MARK1: variants seen among roughly 807,000 people sequenced by gnomAD.
MARK1 encodes serine/threonine-protein kinase MARK1.
A neutral mutation model predicts 96.3 loss-of-function variants in MARK1; 40 were observed. The ratio of observed to expected loss-of-function variants is 0.42; its 90% CI spans 0.32 to 0.54. The LOEUF (loss-of-function observed/expected upper bound fraction) is 0.54. MARK1 is among the 20% of genes least tolerant of loss of function. The pLI is 0.16. For missense variants in MARK1, 719 were observed against 984.6 expected (o/e 0.73, Z 3.61); for synonymous variants, 317 against 341.2 (o/e 0.93, Z 0.78).
chr1:220,547,858 G>A (rs1240441695), intron 1 of MARK1, among the ~76,000 whole-genome samples: 1 of 152,126 alleles, frequency 6.6e-6, no homozygotes, highest in African/African-American at 2.4e-5. Context: ...GAGCCACCGC[G>A]CACAACCTCT....
intron 13 of MARK1, among the ~76,000 whole-genome samples, chr1:220,648,145 G>T (rs1452442300): frequency 6.6e-6 from 1 of 151,766 alleles, no homozygotes; most frequent in Non-Finnish European, 1.5e-5. Flanking sequence ...GATTAAGAAT[G>T]CTATAGTAAG....
At chr1:220,541,933 T>C (rs951142072) in intron 1 of MARK1, among the ~76,000 whole-genome samples, 1 of 152,202 alleles carries the variant, frequency 6.6e-6, no homozygotes. Flanking sequence ...TTAACTATTT[T>C]CCGTCTTGTA....
At chr1:220,605,316 T>A (rs1404695793) in intron 6 of MARK1, among the ~76,000 whole-genome samples, 2 of 152,106 alleles carry the variant, frequency 1.3e-5, no homozygotes, top group East Asian at 1.9e-4. Flanking sequence ...CTAGAAATAT[T>A]CGTGTTAAAA....
At chr1:220,630,892 C>A in intron 9 of MARK1, 143 bp from the exon 10 acceptor site, 1 of 605,104 alleles carries the variant, frequency 1.7e-6, no homozygotes, top group Non-Finnish European at 2.9e-6. Context: ...AGTCTTACAC[C>A]TCTTTTTGGC....
chr1:220,574,830 G>A (rs1160740754), intron 1 of MARK1, among the ~76,000 whole-genome samples: 1 of 152,140 alleles, frequency 6.6e-6, no homozygotes, highest in Non-Finnish European at 1.5e-5. Flanking sequence ...GCAATGACCT[G>A]TATTGGTGCT....
intron 7 of MARK1, among the ~76,000 whole-genome samples, chr1:220,617,387 A>G (rs1666813782): frequency 6.6e-6 from 1 of 152,100 alleles, no homozygotes; most frequent in Non-Finnish European, 1.5e-5. Context: ...TGACTCTTAT[A>G]ATTGTTGGAC....
In MARK1 at chr1:220,548,482, G is replaced by T. The variant is rs1558250664; in HGVS notation, c.51+19609G>T. Among the ~76,000 whole-genome samples the T allele has an allele frequency of 5.9e-5, 9 of 152,274 alleles. No individual in the cohort carries two copies. The South Asian group carries it at 1.7e-3, about 28-fold the overall frequency. On this transcript the variant is annotated intron_variant, in intron 1 of 17. Coordinates refer to ENST00000366917, the MANE Select transcript of MARK1 (RefSeq NM_018650.5). ...GGGTTGGGCACGGTGGCTCACACCT[G>T]TAATCCCAGCACTTCGGGAGGCTGA... is the stretch of plus-strand genomic sequence containing the variant.
Position 220,664,043 on chromosome 1 carries a change from T to G in MARK1, c.*1877T>G, listed in dbSNP as rs1263376452. Reference sequence around the variant, plus strand: ...GTGAAGCTGTGAAGGTTTTCAAGATTATTGAAACTATGAAGGTTTCTTGTC... The same window carrying G: ...GTGAAGCTGTGAAGGTTTTCAAGATGATTGAAACTATGAAGGTTTCTTGTC... On this transcript the variant is annotated 3_prime_UTR_variant, in exon 18 of 18. Transcript: ENST00000366917. 6.6e-6 allele frequency: 1 copy of G among 152,616 alleles called. No individual in the cohort carries two copies. The highest frequency in any genetic ancestry group is 6.5e-5 in the Admixed American group (1 of 15,284). 9.5% of individuals were successfully genotyped at this position (152,616 alleles called of 1,614,324 possible).
intron 10 of MARK1, 71 bp downstream of exon 10, chr1:220,631,205 A>G: frequency 3.3e-6 from 3 of 895,628 alleles, no homozygotes; most frequent in South Asian, 3.2e-5. Context: ...GTGCCAAAAT[A>G]GTGTTTAAGA....
In MARK1 at chr1:220,654,115, A is replaced by G. The variant is rs1572242387; in HGVS notation, c.1988+763A>G. Among the ~76,000 whole-genome samples, 1 of 152,202 alleles carries G rather than the reference A, an allele frequency of 6.6e-6. No homozygotes were observed. Among genetic ancestry groups the G allele is most frequent in the African/African-American group, 2.4e-5 (1 of 41,450 alleles). ...GCATCTGTGCCCTCCAGATTCTTAT[A>G]GTCTTGTAAGAAGCAGACAAACAAC... On this transcript the variant is annotated intron_variant, in intron 16 of 17. Coordinates refer to ENST00000366917, the MANE Select transcript of MARK1 (RefSeq NM_018650.5). The surrounding 1 kb of genome is among the most constrained non-coding windows in gnomAD (Gnocchi z 4.0).
At chr1:220,628,949 T>G (rs1019699495) in intron 9 of MARK1, among the ~76,000 whole-genome samples, 4 of 151,638 alleles carry the variant, frequency 2.6e-5, no homozygotes, top group Non-Finnish European at 4.4e-5. Context: ...TGATGATGAC[T>G]GCTGGAAAAG....
chr1:220,611,217 C>T (rs573283588), intron 6 of MARK1, among the ~76,000 whole-genome samples: 2 of 152,314 alleles, frequency 1.3e-5, no homozygotes, highest in East Asian at 1.9e-4. Flanking sequence ...AGTTGGGCTG[C>T]GGTGGGCTCC....
intron 17 of MARK1, among the ~76,000 whole-genome samples, 164 bp from the exon 18 acceptor site, chr1:220,661,648 A>G (rs1669488570): frequency 6.6e-6 from 1 of 152,208 alleles, no homozygotes. Context: ...GTGTTTCTGT[A>G]ACAGCAAGAT....
intron 5 of MARK1, among the ~76,000 whole-genome samples, chr1:220,601,621 G>A (rs1445572530): frequency 6.6e-6 from 1 of 152,002 alleles, no homozygotes; most frequent in Non-Finnish European, 1.5e-5. Flanking sequence ...TAGAGAAAGG[G>A]GCTATACCCA....
intron 15 of MARK1, among the ~76,000 whole-genome samples, chr1:220,652,361 G>T (rs1052614303): frequency 6.6e-6 from 1 of 152,080 alleles, no homozygotes; most frequent in Non-Finnish European, 1.5e-5. Flanking sequence ...TTTTCTAGAG[G>T]AATTTTTTTA....
At chr1:220,611,868 G>A (rs1330818465) in intron 6 of MARK1, among the ~76,000 whole-genome samples, 1 of 152,032 alleles carries the variant, frequency 6.6e-6, no homozygotes, top group Non-Finnish European at 1.5e-5. Flanking sequence ...AAGTAGCTGG[G>A]ATTACAGGCA....
intron 9 of MARK1, chr1:220,626,568 TC>T: frequency 2.4e-6 from 1 of 424,342 alleles, no homozygotes; most frequent in Non-Finnish European, 4.7e-6. Flanking sequence ...TCATGCCTGT[TC>T]TCAGCATTTT....
At chr1:220,546,058 A>G (rs1558248918) in intron 1 of MARK1, among the ~76,000 whole-genome samples, 1 of 152,020 alleles carries the variant, frequency 6.6e-6, no homozygotes, top group African/African-American at 2.4e-5. Context: ...TTGGCCTGTC[A>G]TTTGCAAGAA....
chr1:220,546,827 C>T (rs1340055802), intron 1 of MARK1, among the ~76,000 whole-genome samples: 1 of 152,104 alleles, frequency 6.6e-6, no homozygotes, highest in East Asian at 1.9e-4. Flanking sequence ...AAAAAATTAG[C>T]TGGGCATGGC....
Sources: gnomAD v4.1 joint callset for allele counts (sites outside exome capture counted in the v4.1 genomes callset) on GRCh38, gnomAD v4.1.1 for gene constraint, Gnocchi (gnomAD v3.1) non-coding constraint, MANE v1.5 for transcripts, NCBI Gene and HGNC (gene_info 2026-07-23, HGNC 2026-07-21) for gene names.